ASTN2: variants seen among roughly 807,000 people sequenced by gnomAD.
ASTN2 encodes astrotactin 2, also known as astrotactin-2.
In ASTN2, 54 loss-of-function variants were observed where a neutral mutation model predicts 139.8. The ratio of observed to expected loss-of-function variants is 0.39; its 90% confidence interval spans 0.31 to 0.48. The LOEUF (loss-of-function observed/expected upper bound fraction) is 0.48. Among genes scored for constraint, ASTN2 ranks in the 20% least tolerant of loss-of-function variants. ASTN2 has a pLI of 0.95. For missense variants in ASTN2, 1,565 were observed against 1,725.1 expected (o/e 0.91, Z 1.64); for synonymous variants, 756 against 719.5 (o/e 1.05, Z -0.81).
At chr9:117,152,746 TTGAAA>T (rs1830352530) in intron 3 of ASTN2, among the ~76,000 whole-genome samples, 1 of 152,180 alleles carries the variant, frequency 6.6e-6, no homozygotes, top group African/African-American at 2.4e-5. Context: ...CCTTCCTTTC[TTGAAA>T]TTTTACTTCC....
At chr9:117,402,919 A>G (rs1406720288) in intron 1 of ASTN2, among the ~76,000 whole-genome samples, 1 of 152,184 alleles carries the variant, frequency 6.6e-6, no homozygotes, top group Non-Finnish European at 1.5e-5. Flanking sequence ...GGAGCTGGCC[A>G]GGTGAACGAG....
intron 13 of ASTN2, among the ~76,000 whole-genome samples, chr9:116,748,917 A>G (rs1829324864): frequency 6.6e-6 from 1 of 152,190 alleles, no homozygotes; most frequent in Non-Finnish European, 1.5e-5. Flanking sequence ...ATGAAGGGCT[A>G]AGAGAAAGTT....
intron 7 of ASTN2, among the ~76,000 whole-genome samples, chr9:116,986,662 C>T (rs1327602553): frequency 6.6e-6 from 1 of 152,156 alleles, no homozygotes; most frequent in Non-Finnish European, 1.5e-5. Flanking sequence ...CCAAGGTGGG[C>T]TCTATTACTA....
intron 16 of ASTN2, among the ~76,000 whole-genome samples, chr9:116,665,534 C>T (rs1483548137): frequency 6.6e-6 from 1 of 152,076 alleles, no homozygotes. Context: ...AATAAATACC[C>T]CTACTGCCCA....
At chr9:116,996,343 C>T (rs1837014515) in intron 7 of ASTN2, among the ~76,000 whole-genome samples, 1 of 152,104 alleles carries the variant, frequency 6.6e-6, no homozygotes, top group African/African-American at 2.4e-5. Context: ...AATATAATCA[C>T]ATCTACCTCA....
intron 16 of ASTN2, among the ~76,000 whole-genome samples, chr9:116,683,879 C>G (rs533641307): frequency 3.8e-4 from 58 of 152,216 alleles, no homozygotes; most frequent in African/African-American, 1.4e-3. Flanking sequence ...GATTATTTTA[C>G]CAAGGCTTTT....
At chr9:117,174,197 C>T (rs1830863917) in intron 3 of ASTN2, among the ~76,000 whole-genome samples, 1 of 151,680 alleles carries the variant, frequency 6.6e-6, no homozygotes, top group African/African-American at 2.4e-5. Flanking sequence ...ACCATGAATA[C>T]ACATACTTAT....
intron 5 of ASTN2, among the ~76,000 whole-genome samples, chr9:117,061,931 A>G (rs955947691): frequency 5.3e-5 from 8 of 152,170 alleles, no homozygotes; most frequent in African/African-American, 1.9e-4. Context: ...TGTTGCCCAC[A>G]TTATTTTGTT....
At chr9:116,427,671 C>T (rs1314589512) in intron 22 of ASTN2, among the ~76,000 whole-genome samples, 3 of 152,210 alleles carry the variant, frequency 2.0e-5, no homozygotes, top group East Asian at 1.9e-4. Context: ...GAAAAAGGAC[C>T]GAGCTTATGT....
chr9:117,012,040 C>G (rs1038441446), intron 6 of ASTN2, among the ~76,000 whole-genome samples: 1 of 152,172 alleles, frequency 6.6e-6, no homozygotes, highest in Non-Finnish European at 1.5e-5. Context: ...TAGTCCTTAT[C>G]AATCCAACTC....
At chr9:116,548,445 A>C (rs1355630591) in intron 19 of ASTN2, among the ~76,000 whole-genome samples, 1 of 151,478 alleles carries the variant, frequency 6.6e-6, no homozygotes, top group Non-Finnish European at 1.5e-5. Flanking sequence ...GCTGCATATG[A>C]GAATGACCTG....
At chr9:116,577,279 A>G (rs1853759440) in intron 19 of ASTN2, among the ~76,000 whole-genome samples, 1 of 152,212 alleles carries the variant, frequency 6.6e-6, no homozygotes, top group African/African-American at 2.4e-5. Context: ...CTGTAACCTC[A>G]GCATTTTGGG....
At chr9:117,164,179 A>C (rs1830616542) in intron 3 of ASTN2, among the ~76,000 whole-genome samples, 1 of 152,096 alleles carries the variant, frequency 6.6e-6, no homozygotes, top group Non-Finnish European at 1.5e-5. Flanking sequence ...TTTTAGAGGT[A>C]TGTGAAACCT....
chr9:116,991,127 G>C (rs1470909155), intron 7 of ASTN2, among the ~76,000 whole-genome samples: 1 of 151,722 alleles, frequency 6.6e-6, no homozygotes, highest in African/African-American at 2.4e-5. Flanking sequence ...GGACATAACA[G>C]ACCATTCATC....
chr9:116,599,309 T>C (rs1433172104), intron 19 of ASTN2, among the ~76,000 whole-genome samples: 1 of 152,200 alleles, frequency 6.6e-6, no homozygotes, highest in African/African-American at 2.4e-5. Context: ...ATTCAAATAT[T>C]TAAAAACATT....
chr9:117,091,555 G>C (rs559298696), intron 5 of ASTN2, among the ~76,000 whole-genome samples: 1 of 151,494 alleles, frequency 6.6e-6, no homozygotes, highest in Non-Finnish European at 1.5e-5. Context: ...TGCCATTTAA[G>C]TGGAGGTCTC....
At chr9:117,190,811 C>A (rs1036015612) in intron 3 of ASTN2, among the ~76,000 whole-genome samples, 14 of 152,152 alleles carry the variant, frequency 9.2e-5, no homozygotes, top group African/African-American at 3.1e-4. Flanking sequence ...TTTTCTTTCT[C>A]CCCCATTGCA....
intron 19 of ASTN2, among the ~76,000 whole-genome samples, chr9:116,519,413 G>A (rs1280542228): frequency 6.6e-6 from 1 of 151,934 alleles, no homozygotes; most frequent in Non-Finnish European, 1.5e-5. Flanking sequence ...TGATCATTGG[G>A]TCAACAATGA....
At chr9:116,795,394 A>C (rs1241089165) in intron 13 of ASTN2, among the ~76,000 whole-genome samples, 1 of 152,240 alleles carries the variant, frequency 6.6e-6, no homozygotes, top group Non-Finnish European at 1.5e-5. Context: ...TGAACACTTA[A>C]ATCCCACATT....
Sources: gnomAD v4.1 joint callset for allele counts (sites outside exome capture counted in the v4.1 genomes callset) on GRCh38, gnomAD v4.1.1 for gene constraint, MANE v1.5 for transcripts, NCBI Gene and HGNC (gene_info 2026-07-23, HGNC 2026-07-21) for gene names.